The following URB1 variants were observed in gnomAD, a reference collection of about 807,000 sequenced individuals.
URB1 encodes URB1 ribosome biogenesis factor.
A neutral mutation model predicts 242.3 loss-of-function variants in URB1; 197 were observed. That is an observed-to-expected ratio of 0.81 (90% CI 0.72 to 0.91). The LOEUF is 0.91. URB1 is among the 40% of genes least tolerant of loss of function. The pLI, the probability that URB1 is intolerant of heterozygous loss-of-function variation, is 0.00. For missense variants in URB1, 2,721 were observed against 2,860.5 expected (o/e 0.95, Z 1.11); for synonymous variants, 1,153 against 1,201.8 (o/e 0.96, Z 0.84).
At position 32,311,346 on chromosome 21, in the gene URB1, T is replaced by A. The variant is rs1308716408; in HGVS notation, c.*3572A>T. On this transcript the variant is annotated 3_prime_UTR_variant, in exon 39 of 39. Transcript: ENST00000382751. ...CCAAGATACAAGTTGGCTTGGGCTATGGATATAAAATGAACTACACTCAGA... is the reference window on the plus strand; with the variant it reads ...CCAAGATACAAGTTGGCTTGGGCTAAGGATATAAAATGAACTACACTCAGA... 1 of 301,982 alleles carries A rather than the reference T, an allele frequency of 3.3e-6. No homozygotes were observed. Among genetic ancestry groups the A allele is most frequent in the Admixed American group, 4.6e-5 (1 of 21,508 alleles). The allele number at this position is 301,982 out of a possible 1,614,324, so 18.7% of individuals were successfully genotyped here. A position where few individuals can be genotyped will look rare whatever the true frequency, so the allele number is the denominator to read the frequency against.
chr21:32,384,361 T>C lies in URB1; in HGVS notation c.386A>G (p.Asn129Ser), dbSNP rs1233668340. 2 of 1,552,344 alleles carry C rather than the reference T, an allele frequency of 1.3e-6. No homozygotes were observed. The highest frequency in any genetic ancestry group is 2.4e-5 in the East Asian group (1 of 40,924). Residue 129 changes from asparagine (N) to serine (S), a missense_variant, in exon 3 of 39, where the codon AAC (asparagine) becomes AGC (serine). By Grantham distance (46) the Asn-to-Ser change is conservative (BLOSUM62 1). Coordinates refer to ENST00000382751, the MANE Select transcript of URB1 (RefSeq NM_014825.3). ...VGTNIVKKLM[N>S]NHMKLICESL... is the part of the protein sequence containing the mutation. ...CTCACAGATGAGCTTCATGTGGTTG[T>C]TCATCAGCTTTTTCACAATGTTGGT...
chr21:32,349,597 T>A (rs2033133147), intron 20 of URB1, 114 bp from the exon 21 acceptor site: 2 of 1,056,416 alleles, frequency 1.9e-6, no homozygotes, highest in African/African-American at 3.2e-5. Flanking sequence ...CAGGCTGAGA[T>A]GGCAACTCCT....
chr21:32,386,982 G>C (rs937498723), intron 1 of URB1, among the ~76,000 whole-genome samples: 1 of 152,182 alleles, frequency 6.6e-6, no homozygotes, highest in South Asian at 2.1e-4. Flanking sequence ...GGCACACAGA[G>C]TGTCCGTGCT....
chr21:32,336,153 G>C (rs1308056993), intron 28 of URB1, among the ~76,000 whole-genome samples: 3 of 151,930 alleles, frequency 2.0e-5, no homozygotes, highest in African/African-American at 7.2e-5. Flanking sequence ...GAAAGGAAAA[G>C]AGCTTCTATG....
intron 13 of URB1, 49 bp from the exon 14 acceptor site, chr21:32,359,957 GC>G: frequency 6.6e-7 from 1 of 1,512,436 alleles, no homozygotes; most frequent in East Asian, 2.5e-5. Context: ...GGACGTGGGT[GC>G]CCAACAATTG....
In URB1 at chr21:32,347,136, C is replaced by G; in HGVS notation, c.3688G>C (p.Ala1230Pro). 6.5e-7 allele frequency: 1 copy of G among 1,549,108 alleles called. No individual in the cohort carries two copies. The highest frequency in any genetic ancestry group is 1.4e-5 in the African/African-American group (1 of 73,154). Residue 1230 changes from alanine (A) to proline (P), a missense_variant, in exon 22 of 39, where the codon GCC becomes CCC. Coordinates refer to ENST00000382751, the MANE Select transcript of URB1 (RefSeq NM_014825.3). ...DYCLARRTQA[A>P]LSIAALLLQE... is the part of the protein sequence containing the mutation. ...AGGAGCAGGGCAGCGATGCTGAGGGCCGCCTGTGTGCGCCGGGCCAGGCAG... is the reference window on the plus strand; with the variant it reads ...AGGAGCAGGGCAGCGATGCTGAGGGGCGCCTGTGTGCGCCGGGCCAGGCAG...
intron 10 of URB1, among the ~76,000 whole-genome samples, chr21:32,365,322 G>A (rs1322595538): frequency 1.3e-5 from 2 of 151,976 alleles, no homozygotes; most frequent in Non-Finnish European, 2.9e-5. Context: ...GTGGTGGTGC[G>A]CACCTGTAGT....
intron 35 of URB1, among the ~76,000 whole-genome samples, 171 bp from the exon 36 acceptor site, chr21:32,319,585 G>A (rs775461884): frequency 2.6e-5 from 4 of 152,182 alleles, no homozygotes; most frequent in Non-Finnish European, 5.9e-5. Context: ...AAGGTGCACC[G>A]TCCTAACAGA....
At position 32,361,019 on chromosome 21, in the gene URB1, T is replaced by C. The variant is rs778552459; in HGVS notation, c.1744A>G (p.Lys582Glu). Residue 582 changes from lysine (K) to glutamate (E), a missense_variant, in exon 13 of 39, where the codon AAG becomes GAG. Lys to Glu is a moderately conservative substitution (Grantham distance 56). Transcript: ENST00000382751. ...VVMQYNFDFSKLLKGVISEQG... is the reference protein window; with the variant it reads ...VVMQYNFDFSELLKGVISEQG... ...CCTTGAAACCCACCTTTCAGGAGCTTGCTGAAGTCAAAGTTGTACTGCATG... is the reference window on the plus strand; with the variant it reads ...CCTTGAAACCCACCTTTCAGGAGCTCGCTGAAGTCAAAGTTGTACTGCATG... The C allele has an allele frequency of 1.9e-6, 3 of 1,549,814 alleles. No individual in the cohort carries two copies. In the African/African-American group the frequency reaches 4.1e-5, roughly 21 times the overall value.
rs1402631964 is a variant in URB1, at chr21:32,314,516, T to C, written c.*402A>G. On this transcript the variant is annotated 3_prime_UTR_variant, in exon 39 of 39. Coordinates refer to ENST00000382751, the MANE Select transcript of URB1 (RefSeq NM_014825.3). Reference sequence around the variant, plus strand: ...AAACTTTAAACATCTCTCTTCGTTTTCATAAAAAAAATCTGATACCTTTTG... The same window carrying C: ...AAACTTTAAACATCTCTCTTCGTTTCCATAAAAAAAATCTGATACCTTTTG... The C allele has an allele frequency of 6.3e-7, 1 of 1,589,480 alleles. No individual in the cohort carries two copies. Among genetic ancestry groups the C allele is most frequent in the Non-Finnish European group, 8.6e-7 (1 of 1,157,670 alleles).
chr21:32,368,740 G>C (rs1460169889), intron 8 of URB1, 142 bp from the exon 9 acceptor site: 3 of 723,596 alleles, frequency 4.1e-6, no homozygotes, highest in Non-Finnish European at 6.5e-6. Flanking sequence ...AGGACGTAAA[G>C]TGGGGGTTCC....
intron 37 of URB1, 106 bp downstream of exon 37, chr21:32,317,570 C>G: frequency 1.4e-6 from 2 of 1,465,510 alleles, no homozygotes; most frequent in Non-Finnish European, 1.8e-6. Context: ...CTCTGAGCCT[C>G]ATTAGCTTTG....
In URB1 at chr21:32,392,777, G is replaced by C. The variant is rs1180025700; in HGVS notation, c.134C>G (p.Pro45Arg). The C allele has an allele frequency of 1.0e-5, 15 of 1,482,468 alleles. No individual in the cohort carries two copies. The highest frequency in any genetic ancestry group is 8.0e-5 in the East Asian group (3 of 37,452). The allele number at this position is 1,482,468 out of a possible 1,614,324, so 91.8% of individuals were successfully genotyped here. Reference protein sequence around the residue: ...FKAQLKDPQGPGPGLEAFVSA... With the variant: ...FKAQLKDPQGRGPGLEAFVSA... The stretch of plus-strand genomic sequence containing the variant: ...TGCCGCCCCGGACTCACCTGGCCCG[G>C]GGCCCTGCGGGTCCTTCAGCTGAGC... Residue 45 changes from proline (P) to arginine (R), a missense_variant, in exon 1 of 39, where the codon CCC (proline) becomes CGC (arginine). Transcript: ENST00000382751.
At chr21:32,356,670 G>A (rs909497885) in intron 15 of URB1, among the ~76,000 whole-genome samples, 2 of 152,314 alleles carry the variant, frequency 1.3e-5, no homozygotes, top group Non-Finnish European at 2.9e-5. Context: ...AAACTGGTAT[G>A]AGGCAGGACT....
At chr21:32,373,205 T>C (rs114124745) in intron 7 of URB1, among the ~76,000 whole-genome samples, 1,713 of 152,262 alleles carry the variant, frequency 0.011, 36 homozygotes, top group African/African-American at 0.039. Flanking sequence ...TGTCAGTAGG[T>C]GAGGCTCCTA....
At chr21:32,377,973 G>A (rs1331499262) in intron 5 of URB1, among the ~76,000 whole-genome samples, 1 of 152,150 alleles carries the variant, frequency 6.6e-6, no homozygotes, top group Non-Finnish European at 1.5e-5. Flanking sequence ...TCACTCTAGG[G>A]ACACAGCCAC....
intron 12 of URB1, among the ~76,000 whole-genome samples, chr21:32,361,664 G>A (rs1437962453): frequency 6.6e-6 from 1 of 152,202 alleles, no homozygotes; most frequent in Non-Finnish European, 1.5e-5. Context: ...GAGAGACACA[G>A]TGCTCGCATA....
rs1352945988 is a variant in URB1, at chr21:32,322,482, A to T, written c.5336T>A (p.Phe1779Tyr). The change falls in exon 33 of 39, where the codon TTT (phenylalanine) becomes TAT (tyrosine). Residue 1779 changes from phenylalanine (F) to tyrosine (Y), a missense_variant. Coordinates refer to ENST00000382751, the MANE Select transcript of URB1 (RefSeq NM_014825.3). Reference sequence around the variant, plus strand: ...GTGAGGACTCTGGAAGCATACCTCAAAGTCGGAGCTGTAGAAGAACTGGTA... The same window carrying T: ...GTGAGGACTCTGGAAGCATACCTCATAGTCGGAGCTGTAGAAGAACTGGTA... The part of the protein sequence containing the change: ...GFYQFFYSSD[F>Y]EQKTEQKWVF... 6.4e-7 allele frequency: 1 copy of T among 1,552,258 alleles called. No homozygotes were observed. Among genetic ancestry groups the T allele is most frequent in the Admixed American group, 2.0e-5 (1 of 51,010 alleles).
At chr21:32,378,017 C>G (rs1157045428) in intron 5 of URB1, among the ~76,000 whole-genome samples, 3 of 152,336 alleles carry the variant, frequency 2.0e-5, no homozygotes, top group East Asian at 3.9e-4. Context: ...CTCTGAAGCC[C>G]TGTTACTGAT....
Sources: gnomAD v4.1 joint callset for allele counts (sites outside exome capture counted in the v4.1 genomes callset) on GRCh38, gnomAD v4.1.1 for gene constraint, MANE v1.5 for transcripts, NCBI Gene and HGNC (gene_info 2026-07-23, HGNC 2026-07-21) for gene names.